The following CIMIP4 variants were observed in gnomAD, a reference collection of about 807,000 sequenced individuals.
CIMIP4 encodes the protein protein EAN57.
chr22:37,001,297 G>A, the CIMIP4 span, among the ~76,000 whole-genome samples: 2 of 151,678 alleles, frequency 1.3e-5, no homozygotes, highest in Non-Finnish European at 2.9e-5. Flanking sequence ...CAACTGCCTC[G>A]CTTTACAGAT....
At chr22:36,997,207 C>CAAA in the CIMIP4 span, among the ~76,000 whole-genome samples, 1 of 152,080 alleles carries the variant, frequency 6.6e-6, no homozygotes, top group Admixed American at 6.5e-5. Flanking sequence ...ATACTAAAAA[C>CAAA]AAAAATCAAC....
the CIMIP4 span, chr22:36,991,304 C>A: frequency 6.2e-7 from 1 of 1,611,296 alleles, no homozygotes; most frequent in South Asian, 1.1e-5. Context: ...AGAGCCAGCA[C>A]AGATTAGATC....
At chr22:37,004,154 GC>G in the CIMIP4 span, 1 of 766,028 alleles carries the variant, frequency 1.3e-6, no homozygotes. Flanking sequence ...TTCCTAAGCT[GC>G]CCCTGGTGCC....
the CIMIP4 span, among the ~76,000 whole-genome samples, chr22:36,995,970 A>C: frequency 6.6e-6 from 1 of 152,200 alleles, no homozygotes; most frequent in African/African-American, 2.4e-5. Flanking sequence ...CCATTGTCCT[A>C]GAGAGGTCAG....
the CIMIP4 span, among the ~76,000 whole-genome samples, chr22:37,006,274 G>A: frequency 6.6e-6 from 1 of 152,320 alleles, no homozygotes; most frequent in African/African-American, 2.4e-5. Flanking sequence ...AGACAAGTCA[G>A]AGAGTGGATG....
the CIMIP4 span, among the ~76,000 whole-genome samples, chr22:37,003,546 C>T: frequency 6.6e-6 from 1 of 152,332 alleles, no homozygotes; most frequent in African/African-American, 2.4e-5. Context: ...TGAGCTATTT[C>T]TCCTGCCTGG....
At chr22:37,005,118 G>A in the CIMIP4 span, among the ~76,000 whole-genome samples, 4 of 152,088 alleles carry the variant, frequency 2.6e-5, no homozygotes, top group East Asian at 7.7e-4. Context: ...GTGACTTCTG[G>A]CCAAAAGCTC....
At chr22:36,993,696 T>A in the CIMIP4 span, among the ~76,000 whole-genome samples, 1 of 150,718 alleles carries the variant, frequency 6.6e-6, no homozygotes. Context: ...GCCACTGCAC[T>A]CCAGCCTGGG....
the CIMIP4 span, chr22:37,002,116 C>G: frequency 4.5e-6 from 7 of 1,562,176 alleles, no homozygotes; most frequent in Non-Finnish European, 6.1e-6. Context: ...GAGGGGGAAT[C>G]TCCTTCAAGT....
chr22:37,006,393 G>C, the CIMIP4 span, among the ~76,000 whole-genome samples: 3 of 152,212 alleles, frequency 2.0e-5, no homozygotes, highest in South Asian at 6.2e-4. Context: ...AACCGCTATG[G>C]AACATTGACT....
At chr22:36,999,546 GGGAGAGAAGGGGAGGGGAGGGGGGA>G in the CIMIP4 span, among the ~76,000 whole-genome samples, 2 of 26,688 alleles carry the variant, frequency 7.5e-5, no homozygotes, top group East Asian at 1.6e-3. Flanking sequence ...GGGAGGGGAG[GGGAGAGAAGGGGAGGGGAGGGGGGA>G]GGGGAGGGGA....
At chr22:36,995,712 T>C in the CIMIP4 span, among the ~76,000 whole-genome samples, 1 of 152,210 alleles carries the variant, frequency 6.6e-6, no homozygotes, top group African/African-American at 2.4e-5. Flanking sequence ...AAGGGGAAAC[T>C]TCTTTCACTT....
the CIMIP4 span, among the ~76,000 whole-genome samples, chr22:36,996,608 T>C: frequency 6.6e-6 from 1 of 152,204 alleles, no homozygotes; most frequent in African/African-American, 2.4e-5. Flanking sequence ...ACAACAGCCC[T>C]TAAATTGAGC....
At chr22:36,994,414 C>T in the CIMIP4 span, among the ~76,000 whole-genome samples, 4 of 151,396 alleles carry the variant, frequency 2.6e-5, no homozygotes, top group East Asian at 2.0e-4. Flanking sequence ...CGCCTACCTC[C>T]GCCTCCCGGG....
At chr22:37,005,414 T>C in the CIMIP4 span, among the ~76,000 whole-genome samples, 965 of 152,314 alleles carry the variant, frequency 6.3e-3, 10 homozygotes, top group African/African-American at 0.022. Flanking sequence ...ACATAGCTAA[T>C]ACATATTTTG....
the CIMIP4 span, among the ~76,000 whole-genome samples, chr22:36,993,588 G>A: frequency 6.6e-6 from 1 of 151,772 alleles, no homozygotes; most frequent in South Asian, 2.1e-4. Flanking sequence ...AATTAGCCGG[G>A]CGTTGTGGCA....
chr22:37,000,539 A>G, the CIMIP4 span, among the ~76,000 whole-genome samples: 3 of 152,226 alleles, frequency 2.0e-5, no homozygotes, highest in African/African-American at 7.2e-5. Context: ...GTTCTGCAAT[A>G]TATCAGCTGT....
At chr22:37,001,812 A>ACCC in the CIMIP4 span, 1 of 1,513,482 alleles carries the variant, frequency 6.6e-7, no homozygotes, top group Non-Finnish European at 8.9e-7. Context: ...ACTCTGCATC[A>ACCC]CCCTCCTGGC....
chr22:36,991,255 G>A, the CIMIP4 span: 9 of 1,614,010 alleles, frequency 5.6e-6, no homozygotes, highest in Admixed American at 6.7e-5. Context: ...CAGGTTCATA[G>A]CATTTTTCTG....
Sources: allele counts gnomAD v4.1 joint callset (sites outside exome capture counted in the v4.1 genomes callset), GRCh38; gene constraint gnomAD v4.1.1; transcripts MANE v1.5; gene names NCBI Gene and HGNC (gene_info 2026-07-23, HGNC 2026-07-21).